The following KIF19 variants were observed in gnomAD, a reference collection of about 807,000 sequenced individuals.
The protein encoded by KIF19 is kinesin-like protein KIF19.
In KIF19, 98 loss-of-function variants were observed where a neutral mutation model predicts 106.6. The observed-to-expected ratio is 0.92, with a 90% CI of 0.78 to 1.09. The LOEUF is 1.09. KIF19 is among the 50% of genes least tolerant of loss of function. KIF19 has a pLI of 0.00. For missense variants in KIF19, 1,373 were observed against 1,414.3 expected (o/e 0.97, Z 0.47); for synonymous variants, 516 against 584.2 (o/e 0.88, Z 1.68).
rs2054518508 is a variant in KIF19 at position 74,345,915 on chromosome 17, G to A, written c.778-463G>A. 3.3e-5 allele frequency among the ~76,000 whole-genome samples: 5 copies of A among 152,138 alleles called. No homozygotes were observed. The South Asian group carries it at 1.0e-3, about 32-fold the overall frequency. On this transcript the variant is annotated intron_variant, in intron 7 of 19. Transcript: ENST00000389916. ...AGCCACCTCCTAAGGGGAGCTGCAG[G>A]CAGGGCCTCCTCGGCTTTGACATGC... is the stretch of plus-strand genomic sequence containing the variant.
At chr17:74,349,144 G>A (rs773872339) in intron 9 of KIF19, 40 bp from the exon 10 acceptor site, 1 of 1,611,582 alleles carries the variant, frequency 6.2e-7, no homozygotes, top group Admixed American at 1.7e-5. Flanking sequence ...GTGCACCTGG[G>A]GTGACTGCAT....
chr17:74,341,374 AC>A (rs1163633387), intron 2 of KIF19, among the ~76,000 whole-genome samples: 2 of 152,196 alleles, frequency 1.3e-5, no homozygotes, highest in Non-Finnish European at 2.9e-5. Context: ...ACAGGTCCTG[AC>A]ACAAAATGAG....
chr17:74,343,555 A>G (rs1390835034), intron 5 of KIF19, among the ~76,000 whole-genome samples: 1 of 152,194 alleles, frequency 6.6e-6, no homozygotes, highest in Non-Finnish European at 1.5e-5. Flanking sequence ...CCACCCAGCC[A>G]CAGCCTCCTG....
Position 74,354,352 on chromosome 17 carries a change from C to A in KIF19, c.2499C>A (p.Pro833=), listed in dbSNP as rs1208346157. ...GCCCACTGGCCTGCAAGCGGCCGCC[C>A]AGCCCCACACTACAGCATGCTGCCA... is the stretch of plus-strand genomic sequence containing the variant. ...PPGPLACKRP[P]SPTLQHAASE... is the part of the protein sequence containing the mutation. The change falls in exon 18 of 20, where the codon CCC becomes CCA. Residue 833 remains proline (P), a synonymous_variant. Coordinates refer to ENST00000389916, the MANE Select transcript of KIF19 (RefSeq NM_153209.4). The A allele has an allele frequency of 6.2e-7, 1 of 1,605,764 alleles. No individual in the cohort carries two copies. Among genetic ancestry groups the A allele is most frequent in the East Asian group, 2.2e-5 (1 of 44,748 alleles).
At position 74,346,883 on chromosome 17, in the gene KIF19, T is replaced by C. The variant is rs1435615791; in HGVS notation, c.924+359T>C. On this transcript the variant is annotated intron_variant, in intron 8 of 19. Coordinates refer to ENST00000389916, the MANE Select transcript of KIF19 (RefSeq NM_153209.4). This position sits in a 1 kb window ranked among gnomAD's most constrained non-coding sequence, Gnocchi z 4.6. ...GCCTCATGGCCCCACAGGTCAGCTG[T>C]TTGGGGGTGGCCTCCTTTGTGCAGG... Among the ~76,000 whole-genome samples, 2 of 152,044 alleles carry C rather than the reference T, an allele frequency of 1.3e-5. No individual in the cohort carries two copies. The highest frequency in any genetic ancestry group is 2.9e-5 in the Non-Finnish European group (2 of 67,990).
rs2054716053 is a variant in KIF19, at chr17:74,351,941, C to T, written c.1662C>T (p.Ile554=). 2 of 1,467,776 alleles carry T rather than the reference C, an allele frequency of 1.4e-6. No individual in the cohort carries two copies. The highest frequency in any genetic ancestry group is 3.0e-5 in the African/African-American group (2 of 67,664). 90.9% of individuals were successfully genotyped at this position (1,467,776 alleles called of 1,614,324 possible). A position where few individuals can be genotyped will look rare whatever the true frequency, so the allele number is the denominator to read the frequency against. ...RRLEETLPRR[I]GSEEQREVLS... ...TGGAGGAGACGCTGCCGCGGCGCATCGGCTCCGAGGAGCAGCGCGAGGTGC... is the reference window on the plus strand; with the variant it reads ...TGGAGGAGACGCTGCCGCGGCGCATTGGCTCCGAGGAGCAGCGCGAGGTGC... Residue 554 remains isoleucine (I), a synonymous_variant, in exon 13 of 20, where the codon ATC becomes ATT. Transcript: ENST00000389916.
intron 8 of KIF19, 35 bp from the exon 9 acceptor site, chr17:74,347,742 G>A (rs1382810796): frequency 7.0e-6 from 11 of 1,576,574 alleles, no homozygotes; most frequent in Non-Finnish European, 9.5e-6. Flanking sequence ...GCCTGAGGAG[G>A]CAGTCCCCAC....
chr17:74,343,196 C>G (rs773556087), intron 5 of KIF19, 36 bp downstream of exon 5: 7 of 1,604,766 alleles, frequency 4.4e-6, no homozygotes, highest in Non-Finnish European at 5.9e-6. Context: ...TGGGGCTGGC[C>G]TCCCTCCCTG....
chr17:74,350,887 G>T lies in KIF19; in HGVS notation c.1569G>T (p.Lys523Asn). ...TTGCAGCCCTGGTGGACGAGCAGAA[G>T]CAACTGCGCAAGCAGAAGGTGTCCA... ...ESIAALVDEQ[K>N]QLRKQKLALE... The change falls in exon 12 of 20, where the codon AAG becomes AAT. Residue 523 changes from lysine to asparagine, a missense_variant. Lys to Asn is a moderately conservative substitution (Grantham distance 94). Around this residue, in one of 3 missense-constraint regions of KIF19, gnomAD observed 1,020 missense variants for 1,008.2 expected, o/e 1.01. Transcript: ENST00000389916. 6.2e-7 allele frequency: 1 copy of T among 1,613,808 alleles called. No individual in the cohort carries two copies. The highest frequency in any genetic ancestry group is 8.5e-7 in the Non-Finnish European group (1 of 1,179,892).
chr17:74,345,892 C>T (rs2054517776), intron 7 of KIF19, among the ~76,000 whole-genome samples: 1 of 152,144 alleles, frequency 6.6e-6, no homozygotes, highest in South Asian at 2.1e-4. Context: ...CTGGGCAGAG[C>T]CACCTCCTAA....
At position 74,352,270 on chromosome 17, in the gene KIF19, T is replaced by G; in HGVS notation, c.1910T>G (p.Leu637Arg). ...QRLEELYEVY[L>R]RELEEGSLEQ... The stretch of plus-strand genomic sequence containing the variant: ...CTGGAAGAGCTCTACGAAGTGTACC[T>G]GCGGGAGCTGGAGGAGGGCAGCCTG... The change falls in exon 14 of 20, where the codon CTG becomes CGG. Residue 637 changes from leucine to arginine, a missense_variant. Transcript: ENST00000389916. 1 of 1,612,888 alleles carries G rather than the reference T, an allele frequency of 6.2e-7. No individual in the cohort carries two copies. The highest frequency in any genetic ancestry group is 8.5e-7 in the Non-Finnish European group (1 of 1,179,710).
intron 8 of KIF19, among the ~76,000 whole-genome samples, chr17:74,347,256 GCCGGGTGTGGTGGCTCACGC>G (rs1306981676): frequency 6.6e-6 from 1 of 152,206 alleles, no homozygotes; most frequent in Non-Finnish European, 1.5e-5. Context: ...AGCAAGGAAA[GCCGGGTGTGGTGGCTCACGC>G]CTGGAATCCC....
At chr17:74,350,361 T>G (rs770832164) in intron 10 of KIF19, 40 bp from the exon 11 acceptor site, 1 of 1,531,840 alleles carries the variant, frequency 6.5e-7, no homozygotes, top group African/African-American at 1.4e-5. Flanking sequence ...TAGCTGAACT[T>G]GCCGCCTCCT....
intron 2 of KIF19, among the ~76,000 whole-genome samples, chr17:74,332,149 C>T (rs1382866412): frequency 1.3e-5 from 2 of 150,432 alleles, no homozygotes; most frequent in South Asian, 4.2e-4. Context: ...TGTGTCAGAG[C>T]ACTCAGGACG....
intron 7 of KIF19, among the ~76,000 whole-genome samples, chr17:74,345,365 G>A (rs953425377): frequency 3.9e-5 from 6 of 152,146 alleles, no homozygotes; most frequent in African/African-American, 1.2e-4. Context: ...GGCAGGGAGA[G>A]ACAAGCATCC....
In KIF19 at chr17:74,344,964, G is replaced by T; in HGVS notation, c.777+9G>T. Reference sequence around the variant, plus strand: ...CAGAGCGCGCCTCGCAGGTGAGGCTGGGACCTGGGCTGGGCAGAGGAGGGA... The same window carrying T: ...CAGAGCGCGCCTCGCAGGTGAGGCTTGGACCTGGGCTGGGCAGAGGAGGGA... On this transcript the variant is annotated intron_variant, in intron 7 of 19. Transcript: ENST00000389916. 6.3e-7 allele frequency: 1 copy of T among 1,594,156 alleles called. No individual in the cohort carries two copies.
rs559617357 is a variant in KIF19, at chr17:74,346,067, T to C, written c.778-311T>C. ...TGGTCCTGCCGGCTCCCAGCTGAGC[T>C]GCCTGGAAAGCAACCTCCCTCCCAT... On this transcript the variant is annotated intron_variant, in intron 7 of 19. Coordinates refer to ENST00000389916, the MANE Select transcript of KIF19 (RefSeq NM_153209.4). This position sits in a 1 kb window ranked among gnomAD's most constrained non-coding sequence, Gnocchi z 4.6. Among the ~76,000 whole-genome samples, 2 of 152,370 alleles carry C rather than the reference T, an allele frequency of 1.3e-5. No individual in the cohort carries two copies. The highest frequency in any genetic ancestry group is 3.9e-4 in the East Asian group (2 of 5,190).
chr17:74,352,408 A>G (rs2054741723), intron 14 of KIF19, 68 bp downstream of exon 14: 1 of 1,527,418 alleles, frequency 6.5e-7, no homozygotes, highest in Non-Finnish European at 8.8e-7. Context: ...GACCAAGGCA[A>G]TGCCTTCAGG....
chr17:74,335,181 G>A (rs2054189394), intron 2 of KIF19, among the ~76,000 whole-genome samples: 1 of 152,176 alleles, frequency 6.6e-6, no homozygotes, highest in Non-Finnish European at 1.5e-5. Context: ...TCACAACCGG[G>A]GGAAGGGTGC....
Sources: gnomAD v4.1 joint callset for allele counts (sites outside exome capture counted in the v4.1 genomes callset) on GRCh38, gnomAD v4.1.1 for gene constraint, gnomAD v4.1.1 regional missense constraint, Gnocchi (gnomAD v3.1) non-coding constraint, MANE v1.5 for transcripts, NCBI Gene and HGNC (gene_info 2026-07-23, HGNC 2026-07-21) for gene names.